TOX2: variants seen among roughly 807,000 people sequenced by gnomAD.
The protein encoded by TOX2 is granulosa cell HMG box 1.
A neutral mutation model predicts 47.4 loss-of-function variants in TOX2; 15 were observed. That is an observed-to-expected ratio of 0.32 (90% CI 0.21 to 0.49). The LOEUF (loss-of-function observed/expected upper bound fraction) is 0.49. TOX2 is among the 20% of genes least tolerant of loss of function. The probability of loss-of-function intolerance (pLI) is 0.99; values close to 1 mark genes in which losing one functional copy is unlikely to be tolerated. For synonymous variants in TOX2, 290 were observed against 296.6 expected (o/e 0.98, Z 0.23); for missense variants, 622 against 673.1 (o/e 0.92, Z 0.84).
chr20:43,934,096 G>T (rs1216244193), intron 1 of TOX2, among the ~76,000 whole-genome samples: 2 of 149,924 alleles, frequency 1.3e-5, no homozygotes, highest in African/African-American at 4.9e-5. Flanking sequence ...GGGAGGGTCT[G>T]CACAGGAAGA....
At chr20:44,054,002 G>A (rs965487748) in intron 4 of TOX2, among the ~76,000 whole-genome samples, 5 of 152,178 alleles carry the variant, frequency 3.3e-5, no homozygotes, top group South Asian at 2.1e-4. Flanking sequence ...CCAGTTTCAC[G>A]TGTAATTTAG....
At chr20:43,982,311 GCT>G (rs1307423674) in intron 2 of TOX2, among the ~76,000 whole-genome samples, 5 of 152,176 alleles carry the variant, frequency 3.3e-5, no homozygotes, top group African/African-American at 9.7e-5. Context: ...AGCTCCCGGT[GCT>G]TGTGCTGTGG....
intron 3 of TOX2, among the ~76,000 whole-genome samples, chr20:44,013,844 T>A (rs1477579087): frequency 6.6e-6 from 1 of 152,050 alleles, no homozygotes; most frequent in Non-Finnish European, 1.5e-5. Flanking sequence ...GAGGTGTATG[T>A]CTCAAGGCTG....
intron 8 of TOX2, 93 bp downstream of exon 8, chr20:44,066,950 G>A: frequency 6.6e-7 from 1 of 1,514,980 alleles, no homozygotes; most frequent in Non-Finnish European, 8.9e-7. Context: ...GGGCAACGTG[G>A]ACAGGGGAGG....
intron 3 of TOX2, among the ~76,000 whole-genome samples, chr20:44,010,654 C>T (rs2070764038): frequency 6.6e-6 from 1 of 152,178 alleles, no homozygotes; most frequent in South Asian, 2.1e-4. Context: ...GTGGGTGACG[C>T]TGGAATTGGT....
At chr20:44,005,539 T>A (rs2070663267) in intron 2 of TOX2, among the ~76,000 whole-genome samples, 1 of 152,086 alleles carries the variant, frequency 6.6e-6, no homozygotes, top group African/African-American at 2.4e-5. Flanking sequence ...AAACAAAACA[T>A]CAGCCAACAA....
At chr20:44,019,669 ATGC>A (rs1421140706) in intron 3 of TOX2, among the ~76,000 whole-genome samples, 1 of 152,178 alleles carries the variant, frequency 6.6e-6, no homozygotes, top group Non-Finnish European at 1.5e-5. Context: ...TGGGACTGGG[ATGC>A]TGGAGCCCTG....
At chr20:44,029,855 A>G (rs1569113232) in intron 3 of TOX2, among the ~76,000 whole-genome samples, 2 of 152,044 alleles carry the variant, frequency 1.3e-5, no homozygotes, top group South Asian at 2.1e-4. Context: ...CTGTGACTAT[A>G]AAACTCCTCT....
At chr20:43,926,935 C>T (rs962411382) in intron 1 of TOX2, among the ~76,000 whole-genome samples, 3 of 152,200 alleles carry the variant, frequency 2.0e-5, no homozygotes, top group African/African-American at 7.2e-5. Flanking sequence ...TTTGCTGCCC[C>T]CTCCCTCCCA....
chr20:43,985,388 C>A (rs2070246026), intron 2 of TOX2, among the ~76,000 whole-genome samples: 1 of 152,104 alleles, frequency 6.6e-6, no homozygotes, highest in Middle Eastern at 3.2e-3. Flanking sequence ...ACATTTCAGC[C>A]CACCAGGCAT....
intron 1 of TOX2, among the ~76,000 whole-genome samples, chr20:43,948,799 TGGGGAGCCATTTTC>T (rs2069511713): frequency 6.6e-6 from 1 of 152,230 alleles, no homozygotes; most frequent in Non-Finnish European, 1.5e-5. Context: ...CTCCTGGGCC[TGGGGAGCCATTTTC>T]CAGGGAGGGC....
intron 3 of TOX2, among the ~76,000 whole-genome samples, chr20:44,010,262 G>A (rs890398865): frequency 6.6e-6 from 1 of 152,110 alleles, no homozygotes. Context: ...TGTCAAAGAT[G>A]GCCCCCTAAT....
At chr20:43,926,982 T>G (rs2069175843) in intron 1 of TOX2, among the ~76,000 whole-genome samples, 1 of 152,200 alleles carries the variant, frequency 6.6e-6, no homozygotes, top group Non-Finnish European at 1.5e-5. Context: ...AGATACACAA[T>G]GGGTGGCTGT....
chr20:43,961,576 G>A (rs1183373418), intron 1 of TOX2, among the ~76,000 whole-genome samples: 1 of 152,082 alleles, frequency 6.6e-6, no homozygotes, highest in Non-Finnish European at 1.5e-5. Context: ...ATGAGGGAAG[G>A]GAAGATGGTG....
intron 2 of TOX2, among the ~76,000 whole-genome samples, chr20:43,988,800 G>T (rs2070316658): frequency 6.6e-6 from 1 of 152,164 alleles, no homozygotes; most frequent in Non-Finnish European, 1.5e-5. Context: ...CACATACAGG[G>T]ATATACACAC....
rs1455543188 is a variant in TOX2 at position 44,038,872 on chromosome 20, G to A, written c.412-12434G>A. The A allele has an allele frequency of 3.9e-6, 4 of 1,031,340 alleles. No homozygotes were observed. The East Asian group carries it at 2.5e-4, about 65-fold the overall frequency. 63.9% of individuals were successfully genotyped at this position (1,031,340 alleles called of 1,614,324 possible). A position where few individuals can be genotyped will look rare whatever the true frequency, so the allele number is the denominator to read the frequency against. On this transcript the variant is annotated intron_variant, in intron 3 of 8. Transcript: ENST00000341197. ...TGGGGAATTTGTGAAAAACGCCCTTGTGTTCCTGCAGCCCTGCGAAGCTAT... is the reference window on the plus strand; with the variant it reads ...TGGGGAATTTGTGAAAAACGCCCTTATGTTCCTGCAGCCCTGCGAAGCTAT...
chr20:43,949,954 T>G (rs979396371), intron 1 of TOX2, among the ~76,000 whole-genome samples: 14 of 152,176 alleles, frequency 9.2e-5, no homozygotes, highest in Admixed American at 9.2e-4. Context: ...TTAAGGGCCT[T>G]CAGACCTAGA....
At chr20:44,023,352 C>T (rs2071005335) in intron 3 of TOX2, among the ~76,000 whole-genome samples, 1 of 140,358 alleles carries the variant, frequency 7.1e-6, no homozygotes, top group Admixed American at 7.6e-5. Context: ...ATTACTTGAA[C>T]TTGGGAGGCA....
At chr20:44,057,689 T>TAAAC (rs1307937956) in intron 5 of TOX2, among the ~76,000 whole-genome samples, 6 of 152,328 alleles carry the variant, frequency 3.9e-5, no homozygotes, top group African/African-American at 1.4e-4. Flanking sequence ...GAATGTGTAA[T>TAAAC]AAACAATACC....
Sources: gnomAD v4.1 joint callset for allele counts (sites outside exome capture counted in the v4.1 genomes callset) on GRCh38, gnomAD v4.1.1 for gene constraint, MANE v1.5 for transcripts, NCBI Gene and HGNC (gene_info 2026-07-23, HGNC 2026-07-21) for gene names.